The following MARCHF1 variants were observed in gnomAD, a reference collection of about 807,000 sequenced individuals.
The protein encoded by MARCHF1 is E3 ubiquitin-protein ligase MARCHF1.
MARCHF1 carries 40 observed loss-of-function variants against 54.2 expected under a neutral mutation model. The ratio of observed to expected loss-of-function variants is 0.74; its 90% CI spans 0.57 to 0.96. The LOEUF is 0.96. Ranked by LOEUF, MARCHF1 falls within the 40% of genes least tolerant of loss-of-function variation. MARCHF1 has a pLI of 0.00. For synonymous variants in MARCHF1, 236 were observed against 236.3 expected (o/e 1.00, Z 0.01); for missense variants, 586 against 656.5 (o/e 0.89, Z 1.17).
chr4:163,851,445 G>T (rs752271783), intron 4 of MARCHF1, among the ~76,000 whole-genome samples: 3 of 152,166 alleles, frequency 2.0e-5, no homozygotes, highest in Admixed American at 1.3e-4. Context: ...TTTATATTGG[G>T]TGTGTGGGAA....
intron 4 of MARCHF1, among the ~76,000 whole-genome samples, chr4:163,809,685 A>G (rs1291448173): frequency 6.6e-6 from 1 of 152,140 alleles, no homozygotes; most frequent in African/African-American, 2.4e-5. Context: ...TTTATAACAT[A>G]TATCATGTAT....
At chr4:163,628,680 G>A (rs1488802286) in intron 5 of MARCHF1, among the ~76,000 whole-genome samples, 2 of 152,156 alleles carry the variant, frequency 1.3e-5, no homozygotes, top group Non-Finnish European at 2.9e-5. Context: ...TCCTTAAGTG[G>A]ATAAGCAACT....
At chr4:164,168,739 G>T (rs969852574) in intron 1 of MARCHF1, among the ~76,000 whole-genome samples, 2 of 151,814 alleles carry the variant, frequency 1.3e-5, no homozygotes, top group Non-Finnish European at 2.9e-5. Flanking sequence ...TGAGGGTTAG[G>T]GGTGCCAACC....
At chr4:163,708,836 G>A (rs1330847667) in intron 4 of MARCHF1, among the ~76,000 whole-genome samples, 1 of 151,892 alleles carries the variant, frequency 6.6e-6, no homozygotes, top group Non-Finnish European at 1.5e-5. Context: ...TGGAGGGCAA[G>A]GAATCTTAAA....
intron 2 of MARCHF1, among the ~76,000 whole-genome samples, chr4:164,033,922 G>A (rs779766023): frequency 1.3e-5 from 2 of 152,058 alleles, no homozygotes; most frequent in African/African-American, 4.8e-5. Context: ...TCTCATTACT[G>A]GGTATATACC....
intron 3 of MARCHF1, among the ~76,000 whole-genome samples, chr4:163,868,010 G>C (rs547887627): frequency 1.3e-5 from 2 of 151,622 alleles, no homozygotes; most frequent in East Asian, 3.9e-4. Flanking sequence ...ATCTGAACTT[G>C]GTAGTTTGTT....
chr4:163,744,413 T>C (rs1746297770), intron 4 of MARCHF1, among the ~76,000 whole-genome samples: 1 of 152,238 alleles, frequency 6.6e-6, no homozygotes, highest in Non-Finnish European at 1.5e-5. Context: ...TCTCCTCATG[T>C]CCTTGTCTAG....
intron 1 of MARCHF1, among the ~76,000 whole-genome samples, chr4:164,359,417 T>A (rs1252208674): frequency 6.6e-6 from 1 of 152,188 alleles, no homozygotes; most frequent in South Asian, 2.1e-4. Context: ...CACTTCAAGA[T>A]AAATCCCTGA....
chr4:164,052,147 G>GTTT (rs35280070), intron 2 of MARCHF1, among the ~76,000 whole-genome samples: 1 of 148,784 alleles, frequency 6.7e-6, no homozygotes, highest in African/African-American at 2.5e-5. Context: ...TTTTTTTTTT[G>GTTT]TTTTTTTTGT....
chr4:163,990,392 C>A (rs1021259655), intron 2 of MARCHF1, among the ~76,000 whole-genome samples: 2 of 152,000 alleles, frequency 1.3e-5, no homozygotes, highest in African/African-American at 4.8e-5. Context: ...TGATACAAAC[C>A]AATTTTGAGA....
chr4:164,006,930 A>AGATAATTC (rs1753300339), intron 2 of MARCHF1, among the ~76,000 whole-genome samples: 1 of 149,690 alleles, frequency 6.7e-6, no homozygotes, highest in African/African-American at 2.5e-5. Flanking sequence ...TCAAAAGCTG[A>AGATAATTC]GATAATTCAC....
intron 6 of MARCHF1, 24 bp downstream of exon 6, chr4:163,613,290 T>C (rs1741408002): frequency 1.3e-6 from 2 of 1,585,648 alleles, no homozygotes; most frequent in Non-Finnish European, 1.7e-6. Context: ...GAATATAGAT[T>C]AAGATAATTT....
chr4:163,987,471 T>C (rs1322254806), intron 3 of MARCHF1, among the ~76,000 whole-genome samples: 1 of 152,212 alleles, frequency 6.6e-6, no homozygotes, highest in Non-Finnish European at 1.5e-5. Context: ...AGTCTTTTCC[T>C]TTCAAACACT....
In MARCHF1 at chr4:163,787,333, T is replaced by A. The variant is rs1008142355; in HGVS notation, c.111+66688A>T. On this transcript the variant is annotated intron_variant, in intron 4 of 9. Transcript: ENST00000514618. ...AAATATTTGGAAAACACATGACATA[T>A]AAGGGGTTACTATCCAAAATATATG... Among the ~76,000 whole-genome samples, 26 of 151,576 alleles carry A rather than the reference T, an allele frequency of 1.7e-4. 1 individual carries two copies. The highest frequency in any genetic ancestry group is 1.3e-4 in the Admixed American group (2 of 15,200).
intron 5 of MARCHF1, among the ~76,000 whole-genome samples, chr4:163,625,771 T>C (rs1242562376): frequency 2.0e-5 from 3 of 152,212 alleles, no homozygotes; most frequent in Admixed American, 2.0e-4. Context: ...AAAGTATGAA[T>C]TTCTATTTAG....
intron 1 of MARCHF1, among the ~76,000 whole-genome samples, chr4:164,296,519 C>G (rs2111381697): frequency 6.6e-6 from 1 of 152,080 alleles, no homozygotes; most frequent in South Asian, 2.1e-4. Context: ...ACAGGCAGAT[C>G]CCACCATGCC....
At chr4:164,000,140 C>G (rs1398111524) in intron 2 of MARCHF1, among the ~76,000 whole-genome samples, 3 of 151,610 alleles carry the variant, frequency 2.0e-5, no homozygotes, top group Admixed American at 6.6e-5. Flanking sequence ...TCAAGGCACT[C>G]TATAGTAATG....
intron 3 of MARCHF1, among the ~76,000 whole-genome samples, chr4:163,972,557 G>GT (rs1191554978): frequency 3.3e-5 from 5 of 151,866 alleles, no homozygotes; most frequent in East Asian, 1.9e-4. Flanking sequence ...TTGTTTTGTT[G>GT]TTTTTTTGAG....
intron 1 of MARCHF1, among the ~76,000 whole-genome samples, chr4:164,154,778 C>T (rs1484510367): frequency 6.6e-6 from 1 of 152,164 alleles, no homozygotes; most frequent in Non-Finnish European, 1.5e-5. Flanking sequence ...GACCCTCTGC[C>T]TTTTTGCAAG....
Sources: gnomAD v4.1 joint callset for allele counts (sites outside exome capture counted in the v4.1 genomes callset) on GRCh38, gnomAD v4.1.1 for gene constraint, MANE v1.5 for transcripts, NCBI Gene and HGNC (gene_info 2026-07-23, HGNC 2026-07-21) for gene names.